CSMD1: variants seen among roughly 807,000 people sequenced by gnomAD.
CSMD1 encodes the protein CUB and sushi domain-containing protein 1.
CSMD1 carries 213 observed loss-of-function variants against 417.5 expected under a neutral mutation model. The ratio of observed to expected loss-of-function variants is 0.51; its 90% confidence interval spans 0.46 to 0.57. CSMD1 has a LOEUF of 0.57. Among genes scored for constraint, CSMD1 ranks in the 20% least tolerant of loss-of-function variants. The pLI is 0.00. For synonymous variants in CSMD1, 2,862 were observed against 1,736.8 expected, an observed-to-expected ratio of 1.65 and a Z score of -16.11; for missense variants, 6,923 against 4,529.7, an observed-to-expected ratio of 1.53 and a Z score of -15.17.
chr8:4,308,377 GCA>G (rs1452872026), intron 3 of CSMD1, among the ~76,000 whole-genome samples: 2 of 151,940 alleles, frequency 1.3e-5, no homozygotes, highest in Non-Finnish European at 2.9e-5. Flanking sequence ...TGTGTTCTGT[GCA>G]CAGTCTGTGG....
At chr8:3,004,369 G>C (rs1047580195) in intron 52 of CSMD1, among the ~76,000 whole-genome samples, 3 of 152,156 alleles carry the variant, frequency 2.0e-5, no homozygotes, top group Non-Finnish European at 4.4e-5. Context: ...TTCTTGAGAA[G>C]TGTGTGTCAG....
rs181122881 is a variant in CSMD1 at position 4,094,093 on chromosome 8, G to A, written c.416-61994C>T. Among the ~76,000 whole-genome samples the A allele has an allele frequency of 1.2e-4, 19 of 152,054 alleles. No individual in the cohort carries two copies. In the East Asian group the frequency reaches 3.5e-3, roughly 28 times the overall value. On this transcript the variant is annotated intron_variant, in intron 3 of 69. Transcript: ENST00000635120. ...AGTGTGGAAGTGACGCTGTGTGGATGGAGGAAAACGGCTTCCCCAACAGAT... is the reference window on the plus strand; with the variant it reads ...AGTGTGGAAGTGACGCTGTGTGGATAGAGGAAAACGGCTTCCCCAACAGAT...
At chr8:3,968,288 T>C (rs535448244) in intron 5 of CSMD1, among the ~76,000 whole-genome samples, 57 of 152,198 alleles carry the variant, frequency 3.7e-4, no homozygotes, top group Admixed American at 9.8e-4. Flanking sequence ...GAGTATTGCC[T>C]GGACAATACT....
chr8:4,048,217 C>T (rs1263234717), intron 3 of CSMD1, among the ~76,000 whole-genome samples: 1 of 151,884 alleles, frequency 6.6e-6, no homozygotes, highest in Non-Finnish European at 1.5e-5. Context: ...AATAACATAC[C>T]GTTCTTTGTT....
intron 26 of CSMD1, among the ~76,000 whole-genome samples, chr8:3,267,789 C>T (rs530815201): frequency 1.3e-5 from 2 of 152,162 alleles, no homozygotes; most frequent in Admixed American, 1.3e-4. Context: ...GCGGGGAGAC[C>T]AAGGGGTGCA....
chr8:4,020,505 C>A (rs1042289929), intron 4 of CSMD1, among the ~76,000 whole-genome samples: 1 of 152,148 alleles, frequency 6.6e-6, no homozygotes, highest in African/African-American at 2.4e-5. Context: ...CCAGATCTCA[C>A]CTCTACTGCT....
Position 3,396,109 on chromosome 8 carries a change from T to C in CSMD1, c.2593+85A>G, listed in dbSNP as rs908198979. 4 of 1,176,810 alleles carry C rather than the reference T, an allele frequency of 3.4e-6. No individual in the cohort carries two copies. In the African/African-American group the frequency reaches 4.5e-5, roughly 13 times the overall value. The allele number at this position is 1,176,810 out of a possible 1,614,324, so 72.9% of individuals were successfully genotyped here. A position where few individuals can be genotyped will look rare whatever the true frequency, so the allele number is the denominator to read the frequency against. Reference sequence around the variant, plus strand: ...CAGGATCAGTAAACTAGCACAGTCATCTGCAGGCTGGAAATAAGAACCCAG... The same window carrying C: ...CAGGATCAGTAAACTAGCACAGTCACCTGCAGGCTGGAAATAAGAACCCAG... On this transcript the variant is annotated intron_variant, in intron 17 of 69. Coordinates refer to ENST00000635120, the MANE Select transcript of CSMD1 (RefSeq NM_033225.6).
At position 3,752,919 on chromosome 8, in the gene CSMD1, G is replaced by A. The variant is rs547019401; in HGVS notation, c.931+1011C>T. On this transcript the variant is annotated intron_variant, in intron 6 of 69. Transcript: ENST00000635120. The stretch of plus-strand genomic sequence containing the variant: ...GCATTATGGATTTTAAAATGTGTAA[G>A]ATAACAGATATTTAGACCAGTTTGT... Among the ~76,000 whole-genome samples, 11 of 152,258 alleles carry A rather than the reference G, an allele frequency of 7.2e-5. No individual in the cohort carries two copies. The South Asian group carries it at 1.2e-3, about 17-fold the overall frequency.
chr8:4,856,802 C>A lies in CSMD1; in HGVS notation c.85+137530G>T, dbSNP rs935340380. ...TGACCTACAAAGAGACTTAGACTCC[C>A]ACACATTAATAATGGGAGACTTTAA... On this transcript the variant is annotated intron_variant, in intron 1 of 69. Coordinates refer to ENST00000635120, the MANE Select transcript of CSMD1 (RefSeq NM_033225.6). Among the ~76,000 whole-genome samples the A allele has an allele frequency of 3.4e-3, 506 of 150,766 alleles. 1 individual carries two copies. The highest frequency in any genetic ancestry group is 0.012 in the African/African-American group (483 of 41,022).
At chr8:3,213,811 T>C (rs984423122) in intron 30 of CSMD1, among the ~76,000 whole-genome samples, 6 of 150,380 alleles carry the variant, frequency 4.0e-5, no homozygotes, top group Non-Finnish European at 5.9e-5. Context: ...CCATCTCATA[T>C]ATATATATGT....
chr8:4,969,688 C>T (rs1244054760), intron 1 of CSMD1, among the ~76,000 whole-genome samples: 3 of 151,928 alleles, frequency 2.0e-5, no homozygotes, highest in Non-Finnish European at 4.4e-5. Context: ...ATTTTGGGGA[C>T]TTGGAGGGAA....
At chr8:4,872,524 C>G (rs1802795819) in intron 1 of CSMD1, among the ~76,000 whole-genome samples, 1 of 152,040 alleles carries the variant, frequency 6.6e-6, no homozygotes, top group South Asian at 2.1e-4. Flanking sequence ...CACCTTCCAC[C>G]ATCATTGTAA....
At chr8:4,690,024 G>C (rs887866059) in intron 1 of CSMD1, among the ~76,000 whole-genome samples, 1 of 152,154 alleles carries the variant, frequency 6.6e-6, no homozygotes, top group Non-Finnish European at 1.5e-5. Flanking sequence ...AAAGCAATGG[G>C]TTTAGAGAAG....
At chr8:3,219,133 G>A (rs1436553752) in intron 29 of CSMD1, 122 bp downstream of exon 29, 7 of 730,802 alleles carry the variant, frequency 9.6e-6, no homozygotes, top group African/African-American at 9.0e-5. Context: ...TTCCCAGACA[G>A]AGGAGACACA....
intron 3 of CSMD1, among the ~76,000 whole-genome samples, chr8:4,359,863 G>A (rs932776795): frequency 2.6e-5 from 4 of 152,212 alleles, no homozygotes; most frequent in African/African-American, 9.6e-5. Context: ...CAAGTCCAGA[G>A]ACAACACTAC....
chr8:4,601,278 G>C (rs1439426547), intron 2 of CSMD1, among the ~76,000 whole-genome samples: 1 of 152,170 alleles, frequency 6.6e-6, no homozygotes, highest in African/African-American at 2.4e-5. Flanking sequence ...AAAAGCATGA[G>C]AATAAGACAG....
intron 46 of CSMD1, among the ~76,000 whole-genome samples, chr8:3,097,561 G>A (rs1815404533): frequency 1.3e-5 from 2 of 152,130 alleles, no homozygotes; most frequent in South Asian, 4.1e-4. Flanking sequence ...CATCATACAG[G>A]GCAATGGATA....
At chr8:3,303,961 A>C (rs562851201) in intron 25 of CSMD1, among the ~76,000 whole-genome samples, 2 of 120,898 alleles carry the variant, frequency 1.7e-5, no homozygotes, top group South Asian at 6.1e-4. Context: ...TATAATAACT[A>C]TTTTGGGGTA....
At chr8:3,281,620 A>G (rs556790665) in intron 26 of CSMD1, among the ~76,000 whole-genome samples, 1 of 152,028 alleles carries the variant, frequency 6.6e-6, no homozygotes, top group Non-Finnish European at 1.5e-5. Context: ...TGTGACTTTC[A>G]GGAAAAGACA....
Sources: allele counts gnomAD v4.1 joint callset (sites outside exome capture counted in the v4.1 genomes callset), GRCh38; gene constraint gnomAD v4.1.1; transcripts MANE v1.5; gene names NCBI Gene and HGNC (gene_info 2026-07-23, HGNC 2026-07-21).